RSF1: variants seen among roughly 807,000 people sequenced by gnomAD.
RSF1 encodes remodeling and spacing factor 1, also known as HBV pX-associated protein 8.
A neutral mutation model predicts 145.2 loss-of-function variants in RSF1; 13 were observed. The ratio of observed to expected loss-of-function variants is 0.09; its 90% CI spans 0.06 to 0.14. RSF1 has a LOEUF of 0.14. RSF1 is among the 10% of genes least tolerant of loss of function. The pLI is 1.00. For synonymous variants in RSF1, 577 were observed against 592.6 expected (o/e 0.97, Z 0.38); for missense variants, 1,517 against 1,718.2 (o/e 0.88, Z 2.07).
chr11:77,808,007 C>T (rs1455221831), intron 1 of RSF1, among the ~76,000 whole-genome samples: 6 of 152,066 alleles, frequency 3.9e-5, no homozygotes, highest in South Asian at 4.1e-4. Flanking sequence ...AAAATTATTT[C>T]GTCGAGCCAA....
chr11:77,744,387 C>T (rs759011553), intron 3 of RSF1, among the ~76,000 whole-genome samples: 2 of 152,086 alleles, frequency 1.3e-5, no homozygotes, highest in Admixed American at 6.6e-5. Context: ...TGCAGTGGCA[C>T]GATCACAGCT....
chr11:77,726,798 C>T (rs1039244389), intron 4 of RSF1, among the ~76,000 whole-genome samples: 5 of 152,210 alleles, frequency 3.3e-5, no homozygotes, highest in African/African-American at 1.2e-4. Flanking sequence ...GGCTCCTACC[C>T]TCCTTTCCCT....
chr11:77,833,490 C>T, the RSF1 span, among the ~76,000 whole-genome samples: 70 of 152,174 alleles, frequency 4.6e-4, 1 homozygote, highest in South Asian at 8.1e-3. Flanking sequence ...AGGTAGAGCT[C>T]GGGCAGTAAT....
chr11:77,863,580 G>C, the RSF1 span, among the ~76,000 whole-genome samples: 1 of 152,172 alleles, frequency 6.6e-6, no homozygotes, highest in African/African-American at 2.4e-5. Context: ...GTAGAGACAG[G>C]GTTTCACTAT....
intron 9 of RSF1, among the ~76,000 whole-genome samples, chr11:77,686,408 C>CAAAAAAAA (rs564410248): frequency 0.13 from 4,667 of 36,780 alleles, 886 homozygotes; most frequent in Admixed American, 0.18. Context: ...GACCCTGTCT[C>CAAAAAAAA]AAAAAAAAAA....
At chr11:77,734,776 T>C in intron 4 of RSF1, 1 of 1,591,764 alleles carries the variant, frequency 6.3e-7, no homozygotes, top group Non-Finnish European at 8.5e-7. Context: ...TTTGATATCC[T>C]GAAGGAAGAT....
At chr11:77,709,192 A>G (rs996196324) in intron 5 of RSF1, among the ~76,000 whole-genome samples, 4 of 152,044 alleles carry the variant, frequency 2.6e-5, no homozygotes, top group African/African-American at 7.2e-5. Context: ...TCAAGTACCA[A>G]CTCTTCCATG....
chr11:77,736,354 T>C (rs1390009934), intron 4 of RSF1, among the ~76,000 whole-genome samples: 3 of 152,224 alleles, frequency 2.0e-5, no homozygotes, highest in African/African-American at 7.2e-5. Context: ...CAGTATTCAA[T>C]CATCTTCTTT....
At chr11:77,826,035 G>A in the RSF1 span, among the ~76,000 whole-genome samples, 1 of 152,082 alleles carries the variant, frequency 6.6e-6, no homozygotes, top group Non-Finnish European at 1.5e-5. Flanking sequence ...TCTCTGACAA[G>A]CCTGGCTAAG....
chr11:77,810,188 T>A (rs1948716670), intron 1 of RSF1, among the ~76,000 whole-genome samples: 1 of 152,178 alleles, frequency 6.6e-6, no homozygotes, highest in Non-Finnish European at 1.5e-5. Context: ...GCATCACCAT[T>A]CATCCAACCT....
At chr11:77,750,367 A>T (rs547476206) in intron 2 of RSF1, among the ~76,000 whole-genome samples, 9 of 152,330 alleles carry the variant, frequency 5.9e-5, no homozygotes, top group African/African-American at 1.7e-4. Flanking sequence ...TCAGCCATAG[A>T]ATATACATAA....
the RSF1 span, among the ~76,000 whole-genome samples, chr11:77,825,982 G>A: frequency 6.6e-6 from 1 of 152,060 alleles, no homozygotes; most frequent in East Asian, 1.9e-4. Flanking sequence ...GTGAGCCACC[G>A]TCTTACTACC....
At chr11:77,783,482 T>C (rs992127515) in intron 1 of RSF1, among the ~76,000 whole-genome samples, 2 of 152,196 alleles carry the variant, frequency 1.3e-5, no homozygotes, top group African/African-American at 2.4e-5. Context: ...TTCACCCTAA[T>C]TTTTGAAGGA....
At chr11:77,747,424 T>C (rs1948013614) in intron 2 of RSF1, among the ~76,000 whole-genome samples, 2 of 152,248 alleles carry the variant, frequency 1.3e-5, no homozygotes, top group Admixed American at 1.3e-4. Context: ...ATTGTTTGAT[T>C]CCATCTCTCC....
intron 5 of RSF1, among the ~76,000 whole-genome samples, chr11:77,707,106 T>C (rs1960569498): frequency 1.3e-5 from 2 of 152,242 alleles, no homozygotes; most frequent in Non-Finnish European, 1.5e-5. Flanking sequence ...GAGACTTCTA[T>C]AGCAGCACTT....
the RSF1 span, among the ~76,000 whole-genome samples, chr11:77,859,699 G>A: frequency 3.9e-5 from 6 of 152,192 alleles, no homozygotes; most frequent in Non-Finnish European, 8.8e-5. Flanking sequence ...AGTTGAGGTT[G>A]GGATCAGTCA....
At chr11:77,737,635 T>G (rs1232972033) in intron 4 of RSF1, among the ~76,000 whole-genome samples, 2 of 92,880 alleles carry the variant, frequency 2.2e-5, no homozygotes, top group African/African-American at 7.7e-5. Context: ...TGTGTGTGTG[T>G]GTGTGTGTGT....
intron 11 of RSF1, among the ~76,000 whole-genome samples, chr11:77,679,869 A>G (rs923706463): frequency 1.2e-4 from 19 of 152,192 alleles, no homozygotes; most frequent in African/African-American, 4.6e-4. Flanking sequence ...TTCTTCACAT[A>G]TAAAATGCCT....
chr11:77,821,167 G>A (rs1366994397), upstream of RSF1: 2 of 378,788 alleles, frequency 5.3e-6, no homozygotes, highest in East Asian at 4.1e-5. Flanking sequence ...AGATCCCGAA[G>A]CAGCGCTGGG....
Sources: allele counts gnomAD v4.1 joint callset (sites outside exome capture counted in the v4.1 genomes callset), GRCh38; gene constraint gnomAD v4.1.1; transcripts MANE v1.5; gene names NCBI Gene and HGNC (gene_info 2026-07-23, HGNC 2026-07-21).